Variants in CLVS1 observed in about 807,000 individuals in gnomAD.
CLVS1 encodes clavesin 1, also known as clavesin-1.
In CLVS1, 10 loss-of-function variants were observed where a neutral mutation model predicts 33.1. The observed-to-expected ratio is 0.30, with a 90% confidence interval of 0.19 to 0.51. CLVS1 has a LOEUF of 0.51. Among genes scored for constraint, CLVS1 ranks in the 20% least tolerant of loss-of-function variants. The pLI, the probability that CLVS1 is intolerant of heterozygous loss-of-function variation, is 0.97. For missense variants in CLVS1, 343 were observed against 433.4 expected (o/e 0.79, Z 1.85); for synonymous variants, 163 against 166.1 (o/e 0.98, Z 0.14).
intron 1 of CLVS1, among the ~76,000 whole-genome samples, chr8:61,127,168 T>A (rs1805991200): frequency 6.6e-6 from 1 of 152,164 alleles, no homozygotes; most frequent in African/African-American, 2.4e-5. Flanking sequence ...TGGAATCAAC[T>A]TTGAATTAAG....
At chr8:61,130,021 T>C (rs1404559938) in intron 1 of CLVS1, among the ~76,000 whole-genome samples, 1 of 152,072 alleles carries the variant, frequency 6.6e-6, no homozygotes, top group Admixed American at 6.6e-5. Flanking sequence ...GTGGATCACT[T>C]GAGGCCAGGA....
intron 2 of CLVS1, among the ~76,000 whole-genome samples, chr8:61,272,873 G>A (rs1035548391): frequency 1.3e-4 from 20 of 151,998 alleles, no homozygotes; most frequent in African/African-American, 4.8e-4. Context: ...GTCTGTATTG[G>A]TTATTCTAGT....
At chr8:61,217,116 T>G (rs764643759) in intron 2 of CLVS1, among the ~76,000 whole-genome samples, 2 of 152,224 alleles carry the variant, frequency 1.3e-5, no homozygotes, top group African/African-American at 4.8e-5. Context: ...TTTCTGAGAC[T>G]TTTTCATGAT....
intron 2 of CLVS1, among the ~76,000 whole-genome samples, chr8:61,201,432 G>A (rs956901825): frequency 1.1e-4 from 17 of 152,128 alleles, no homozygotes; most frequent in African/African-American, 4.1e-4. Context: ...CAAATCCAGT[G>A]TCTTTTTGAT....
At position 61,318,700 on chromosome 8, in the gene CLVS1, C is replaced by A. The variant is rs181294699; in HGVS notation, c.455+18418C>A. Reference sequence around the variant, plus strand: ...ACAGCATTTGGGAAAACCTCTTCATCTCCTCTTCATTCTCTCCCAGTTCTG... The same window carrying A: ...ACAGCATTTGGGAAAACCTCTTCATATCCTCTTCATTCTCTCCCAGTTCTG... On this transcript the variant is annotated intron_variant, in intron 2 of 5. Transcript: ENST00000325897. Among the ~76,000 whole-genome samples, 15 of 152,270 alleles carry A rather than the reference C, an allele frequency of 9.9e-5. No individual in the cohort carries two copies. In the East Asian group the frequency reaches 2.9e-3, roughly 29 times the overall value.
the CLVS1 span, among the ~76,000 whole-genome samples, chr8:61,003,739 C>T: frequency 2.6e-5 from 4 of 152,190 alleles, no homozygotes; most frequent in Non-Finnish European, 4.4e-5. Context: ...CTTATTTATT[C>T]ATCTATCCAT....
intron 2 of CLVS1, among the ~76,000 whole-genome samples, chr8:61,269,392 C>A (rs1324618404): frequency 1.3e-5 from 2 of 152,008 alleles, no homozygotes; most frequent in Non-Finnish European, 2.9e-5. Context: ...ATTTTGGTAC[C>A]AGTACCATGC....
chr8:61,115,663 T>C (rs1405750784), intron 1 of CLVS1, among the ~76,000 whole-genome samples: 1 of 151,752 alleles, frequency 6.6e-6, no homozygotes, highest in Non-Finnish European at 1.5e-5. Flanking sequence ...CTGAGAATGA[T>C]GTTTTCCAAT....
intron 2 of CLVS1, among the ~76,000 whole-genome samples, chr8:61,191,613 T>C (rs1176873873): frequency 6.6e-6 from 1 of 152,230 alleles, no homozygotes; most frequent in African/African-American, 2.4e-5. Context: ...CATGATTGTA[T>C]ATTTAGAAAA....
At chr8:61,249,712 G>A (rs924636357) in intron 2 of CLVS1, among the ~76,000 whole-genome samples, 1 of 152,180 alleles carries the variant, frequency 6.6e-6, no homozygotes, top group African/African-American at 2.4e-5. Flanking sequence ...CTGCATAAAT[G>A]TCTTCTTTTG....
chr8:61,059,830 C>T (rs950597788), intron 1 of CLVS1, among the ~76,000 whole-genome samples: 1 of 151,478 alleles, frequency 6.6e-6, no homozygotes, highest in Non-Finnish European at 1.5e-5. Flanking sequence ...AAATAGTGAA[C>T]GTATATTTAT....
At chr8:61,450,146 C>T (rs1816902166) in intron 3 of CLVS1, among the ~76,000 whole-genome samples, 1 of 152,048 alleles carries the variant, frequency 6.6e-6, no homozygotes, top group Admixed American at 6.6e-5. Flanking sequence ...AAACATAAAA[C>T]ATTAGAAGAA....
At chr8:61,066,466 C>T (rs1804681668) in intron 1 of CLVS1, among the ~76,000 whole-genome samples, 1 of 152,084 alleles carries the variant, frequency 6.6e-6, no homozygotes, top group Non-Finnish European at 1.5e-5. Context: ...CCACTGCACT[C>T]CAGCTTGAGG....
chr8:61,112,678 G>C (rs1805650481), intron 1 of CLVS1, among the ~76,000 whole-genome samples: 1 of 152,172 alleles, frequency 6.6e-6, no homozygotes, highest in South Asian at 2.1e-4. Context: ...ATTCTAAAAG[G>C]TCTGAGAGGA....
intron 5 of CLVS1, among the ~76,000 whole-genome samples, chr8:61,473,354 A>T (rs1713520221): frequency 6.6e-6 from 1 of 151,538 alleles, no homozygotes; most frequent in South Asian, 2.1e-4. Flanking sequence ...AAAAAAAAAA[A>T]AAAAAAAAAA....
At chr8:61,218,984 A>G (rs1335843058) in intron 2 of CLVS1, among the ~76,000 whole-genome samples, 3 of 152,060 alleles carry the variant, frequency 2.0e-5, no homozygotes, top group Non-Finnish European at 4.4e-5. Context: ...AGCTCAAGGT[A>G]CTCACAATTG....
chr8:61,110,062 C>T (rs1164486560), intron 1 of CLVS1, among the ~76,000 whole-genome samples: 1 of 152,214 alleles, frequency 6.6e-6, no homozygotes, highest in Non-Finnish European at 1.5e-5. Context: ...TGCGCTGACT[C>T]CCAGCTGCCC....
At chr8:61,386,315 C>T (rs913490145) in intron 3 of CLVS1, among the ~76,000 whole-genome samples, 2 of 152,178 alleles carry the variant, frequency 1.3e-5, no homozygotes, top group Admixed American at 6.5e-5. Context: ...GCTTGATAAA[C>T]CCCGGACTTC....
At chr8:61,057,393 CA>C (rs1336871544) in intron 1 of CLVS1, among the ~76,000 whole-genome samples, 1 of 151,156 alleles carries the variant, frequency 6.6e-6, no homozygotes, top group Admixed American at 6.6e-5. Context: ...CACACACACA[CA>C]CACACACACA....
Sources: allele counts gnomAD v4.1 joint callset (sites outside exome capture counted in the v4.1 genomes callset), GRCh38; gene constraint gnomAD v4.1.1; transcripts MANE v1.5; gene names NCBI Gene and HGNC (gene_info 2026-07-23, HGNC 2026-07-21).